The following USO1 variants were observed in gnomAD, a reference collection of about 807,000 sequenced individuals.
The protein encoded by USO1 is USO1 vesicle transport factor, also known as general vesicular transport factor p115.
In USO1, 57 loss-of-function variants were observed where a neutral mutation model predicts 124.5. The ratio of observed to expected loss-of-function variants is 0.46; its 90% CI spans 0.37 to 0.57. USO1 has a LOEUF of 0.57. Among genes scored for constraint, USO1 ranks in the 20% least tolerant of loss-of-function variants. The pLI is 0.00. For missense variants in USO1, 900 were observed against 1,040.6 expected (o/e 0.86, Z 1.86); for synonymous variants, 369 against 362.8 (o/e 1.02, Z -0.19).
intron 1 of USO1, among the ~76,000 whole-genome samples, chr4:75,738,387 G>A (rs1720856686): frequency 6.6e-6 from 1 of 151,916 alleles, no homozygotes; most frequent in South Asian, 2.1e-4. Flanking sequence ...AACCTGGGAG[G>A]CGGAGGTTGC....
intron 8 of USO1, among the ~76,000 whole-genome samples, chr4:75,777,202 C>T (rs1722094887): frequency 6.6e-6 from 1 of 152,092 alleles, no homozygotes; most frequent in Non-Finnish European, 1.5e-5. Context: ...AGCAAAATAA[C>T]TGTTTTCACA....
chr4:75,733,602 C>G (rs1047023930), intron 1 of USO1, among the ~76,000 whole-genome samples: 19 of 152,206 alleles, frequency 1.2e-4, no homozygotes, highest in East Asian at 9.6e-4. Context: ...CCATATATTT[C>G]TTGCCTATGT....
intron 4 of USO1, among the ~76,000 whole-genome samples, chr4:75,758,846 T>G (rs1297314456): frequency 1.3e-5 from 2 of 152,208 alleles, no homozygotes; most frequent in Non-Finnish European, 2.9e-5. Flanking sequence ...AGGTTGTCAG[T>G]CACGTGACAA....
Position 75,724,935 on chromosome 4 carries a change from G to A in USO1, c.66+50G>A, listed in dbSNP as rs528710088. ...CTTGGGAAGGGGTCCGGGCAGGGAC[G>A]GGGACGGAGCACTCGGAGACCCGAA... On this transcript the variant is annotated intron_variant, in intron 1 of 23. Transcript: ENST00000514213. The A allele has an allele frequency of 5.0e-6, 8 of 1,601,948 alleles. No homozygotes were observed. The African/African-American group carries it at 5.4e-5, about 11-fold the overall frequency.
intron 13 of USO1, chr4:75,795,470 C>T (rs902352575): frequency 1.5e-6 from 1 of 664,874 alleles, no homozygotes; most frequent in Non-Finnish European, 2.7e-6. Flanking sequence ...TTACATTCTA[C>T]TCACACTTTT....
intron 3 of USO1, among the ~76,000 whole-genome samples, chr4:75,754,137 C>T (rs1721368609): frequency 6.8e-6 from 1 of 148,020 alleles, no homozygotes; most frequent in Admixed American, 6.9e-5. Flanking sequence ...GGCTGGAGTA[C>T]AATGTTGCAG....
At position 75,734,037 on chromosome 4, in the gene USO1, C is replaced by A. The variant is rs1248789084; in HGVS notation, c.66+9152C>A. ...ATTGGCTCACTGCAACCTCTGCCTC[C>A]CGGATTCAAGCGATTCTCCTGCTTC... On this transcript the variant is annotated intron_variant, in intron 1 of 23. Transcript: ENST00000514213. Among the ~76,000 whole-genome samples the A allele has an allele frequency of 2.0e-5, 3 of 150,492 alleles. No homozygotes were observed. In the South Asian group the frequency reaches 6.3e-4, roughly 32 times the overall value.
At chr4:75,770,212 TA>T (rs1721882234) in intron 4 of USO1, 1 of 294,940 alleles carries the variant, frequency 3.4e-6, no homozygotes, top group African/African-American at 2.2e-5. Flanking sequence ...ATCCTTTTTT[TA>T]GATATCATAT....
chr4:75,735,770 A>C (rs951903724), intron 1 of USO1, among the ~76,000 whole-genome samples: 1 of 151,980 alleles, frequency 6.6e-6, no homozygotes, highest in Non-Finnish European at 1.5e-5. Context: ...ATCCTCTCAA[A>C]GTGCTGGGAT....
At chr4:75,732,003 A>G (rs1720645888) in intron 1 of USO1, among the ~76,000 whole-genome samples, 1 of 152,212 alleles carries the variant, frequency 6.6e-6, no homozygotes, top group Non-Finnish European at 1.5e-5. Flanking sequence ...ATTTCTCTAA[A>G]CAATATTTTT....
chr4:75,736,016 G>A (rs79197082), intron 1 of USO1, among the ~76,000 whole-genome samples: 1 of 152,194 alleles, frequency 6.6e-6, no homozygotes, highest in African/African-American at 2.4e-5. Flanking sequence ...TGGATTGTTT[G>A]TCATTTTCAT....
chr4:75,812,150 C>T lies in USO1; in HGVS notation c.2584-10C>T. The T allele has an allele frequency of 6.3e-7, 1 of 1,588,992 alleles. No individual in the cohort carries two copies. The highest frequency in any genetic ancestry group is 8.6e-7 in the Non-Finnish European group (1 of 1,167,204). On this transcript the variant is annotated splice_polypyrimidine_tract_variant and intron_variant, in intron 22 of 23. Transcript: ENST00000514213. Reference sequence around the variant, plus strand: ...TTTTAGATTCCTGCCTTTCACCTTTCTTTTCCTAGAATGAAATTAAAGCTC... The same window carrying T: ...TTTTAGATTCCTGCCTTTCACCTTTTTTTTCCTAGAATGAAATTAAAGCTC...
At chr4:75,752,731 GCCCACGCTGGTCT>G in intron 3 of USO1, 127 bp downstream of exon 3, 1 of 385,118 alleles carries the variant, frequency 2.6e-6, no homozygotes, top group East Asian at 3.7e-5. Flanking sequence ...TTGCCATGTT[GCCCACGCTGGTCT>G]CGAACTCCTG....
At chr4:75,794,511 G>T (rs1372222624) in intron 13 of USO1, among the ~76,000 whole-genome samples, 1 of 152,192 alleles carries the variant, frequency 6.6e-6, no homozygotes, top group Non-Finnish European at 1.5e-5. Context: ...ATTTAGGAAT[G>T]TCACTTTTTG....
chr4:75,805,253 G>A lies in USO1; in HGVS notation c.2239G>A (p.Glu747Lys), dbSNP rs1315425287. Reference protein sequence around the residue: ...EEIEELKRNQELLQSQLTEKD... With the variant: ...EEIEELKRNQKLLQSQLTEKD... ...GATAGAAGAATTAAAACGTAATCAGGAACTTTTACAAAGCCAGCTGACTGA... is the reference window on the plus strand; with the variant it reads ...GATAGAAGAATTAAAACGTAATCAGAAACTTTTACAAAGCCAGCTGACTGA... Residue 747 changes from glutamate (E) to lysine (K), a missense_variant, in exon 19 of 24, where the codon GAA (glutamate) becomes AAA (lysine). Transcript: ENST00000514213. The A allele has an allele frequency of 1.9e-6, 3 of 1,611,762 alleles. No individual in the cohort carries two copies. Among genetic ancestry groups the A allele is most frequent in the South Asian group, 1.1e-5 (1 of 90,636 alleles).
chr4:75,790,094 T>C, intron 10 of USO1, 56 bp from the exon 11 acceptor site: 1 of 1,465,302 alleles, frequency 6.8e-7, no homozygotes, highest in Non-Finnish European at 9.0e-7. Flanking sequence ...TGAAAACATA[T>C]TTTCCTTCTT....
intron 12 of USO1, among the ~76,000 whole-genome samples, chr4:75,792,618 G>A (rs558497436): frequency 1.9e-4 from 29 of 152,116 alleles, no homozygotes; most frequent in African/African-American, 5.8e-4. Context: ...AATCACCTGA[G>A]CCTGGGAGGT....
intron 4 of USO1, chr4:75,760,667 G>C (rs752135315): frequency 7.8e-5 from 31 of 396,650 alleles, no homozygotes; most frequent in Admixed American, 3.5e-4. Context: ...AATATAAAAG[G>C]ACACTGTCAA....
intron 1 of USO1, among the ~76,000 whole-genome samples, chr4:75,732,796 T>C (rs1189075696): frequency 7.2e-6 from 1 of 139,208 alleles, no homozygotes; most frequent in Non-Finnish European, 1.5e-5. Context: ...GGAGAATCAC[T>C]TGAACCAGGG....
Sources: allele counts gnomAD v4.1 joint callset (sites outside exome capture counted in the v4.1 genomes callset), GRCh38; gene constraint gnomAD v4.1.1; transcripts MANE v1.5; gene names NCBI Gene and HGNC (gene_info 2026-07-23, HGNC 2026-07-21).